Variants in ADAMTSL1 observed in about 807,000 individuals in gnomAD.
ADAMTSL1 encodes ADAMTS like 1, also known as ADAMTS-like protein 1.
ADAMTSL1 carries 126 observed loss-of-function variants against 201.8 expected under a neutral mutation model. The ratio of observed to expected loss-of-function variants is 0.62; its 90% CI spans 0.54 to 0.72. ADAMTSL1 has a LOEUF of 0.72. Ranked by LOEUF, ADAMTSL1 falls within the 30% of genes least tolerant of loss-of-function variation. The pLI, the probability that ADAMTSL1 is intolerant of heterozygous loss-of-function variation, is 0.00. For missense variants in ADAMTSL1, 2,679 were observed against 2,277.8 expected (o/e 1.18, Z -3.59); for synonymous variants, 1,121 against 903.4 (o/e 1.24, Z -4.32).
chr9:18,811,023 A>C (rs948767528), intron 20 of ADAMTSL1, among the ~76,000 whole-genome samples: 3 of 149,680 alleles, frequency 2.0e-5, no homozygotes, highest in African/African-American at 4.9e-5. Flanking sequence ...AAAAAAAAAA[A>C]AAAAAAAAAA....
chr9:18,836,671 C>T (rs905727943), intron 23 of ADAMTSL1, among the ~76,000 whole-genome samples: 4 of 152,100 alleles, frequency 2.6e-5, no homozygotes, highest in Non-Finnish European at 4.4e-5. Flanking sequence ...AGCATTAAAT[C>T]TGTAGATTGC....
At chr9:18,061,324 C>A (rs181017220) in intron 1 of ADAMTSL1, among the ~76,000 whole-genome samples, 1 of 152,250 alleles carries the variant, frequency 6.6e-6, no homozygotes, top group Non-Finnish European at 1.5e-5. Flanking sequence ...CATAGTTTTC[C>A]TGTGCTTCCT....
At chr9:18,071,011 A>G (rs1822939217) in intron 1 of ADAMTSL1, among the ~76,000 whole-genome samples, 1 of 152,220 alleles carries the variant, frequency 6.6e-6, no homozygotes, top group Admixed American at 6.5e-5. Flanking sequence ...GACTAGAAGG[A>G]AAGCAAAGCA....
intron 2 of ADAMTSL1, among the ~76,000 whole-genome samples, chr9:18,520,396 T>G (rs866037742): frequency 2.6e-5 from 4 of 152,318 alleles, no homozygotes; most frequent in Non-Finnish European, 2.9e-5. Context: ...GGCACTACAT[T>G]CAGAACATTT....
At chr9:18,559,324 T>TG (rs1040647564) in intron 3 of ADAMTSL1, among the ~76,000 whole-genome samples, 1 of 152,170 alleles carries the variant, frequency 6.6e-6, no homozygotes, top group African/African-American at 2.4e-5. Context: ...TGTAGATTTG[T>TG]GGTGGTATTT....
chr9:18,816,839 T>A (rs550344825), intron 20 of ADAMTSL1, among the ~76,000 whole-genome samples: 19 of 152,000 alleles, frequency 1.3e-4, no homozygotes, highest in African/African-American at 4.6e-4. Flanking sequence ...AGTGATGTTT[T>A]GATATAATTA....
intron 4 of ADAMTSL1, among the ~76,000 whole-genome samples, chr9:18,583,304 C>A (rs941433393): frequency 3.3e-5 from 5 of 152,162 alleles, no homozygotes; most frequent in Non-Finnish European, 7.3e-5. Context: ...GGGCTCGGGC[C>A]GTAGCTTCAG....
chr9:17,925,309 G>C (rs1358032022), intron 1 of ADAMTSL1, among the ~76,000 whole-genome samples: 2 of 121,450 alleles, frequency 1.6e-5, no homozygotes, highest in African/African-American at 5.6e-5. Flanking sequence ...ATTCCTCAGG[G>C]ATCTAGAACT....
chr9:18,584,267 T>C (rs1243735540), intron 4 of ADAMTSL1, among the ~76,000 whole-genome samples: 3 of 151,916 alleles, frequency 2.0e-5, no homozygotes, highest in South Asian at 2.1e-4. Flanking sequence ...AGTCTCACGA[T>C]ATCTGATGGT....
At chr9:18,626,277 A>C (rs1469712862) in intron 5 of ADAMTSL1, among the ~76,000 whole-genome samples, 1 of 152,236 alleles carries the variant, frequency 6.6e-6, no homozygotes, top group East Asian at 1.9e-4. Context: ...GCAGGAGAAC[A>C]GGAAATGGGT....
In ADAMTSL1 at chr9:18,184,101, G is replaced by T. The variant is rs191727399; in HGVS notation, c.207+20120G>T. The stretch of plus-strand genomic sequence containing the variant: ...CGAAATGTAACAAATGCTGACAGAA[G>T]TGACAAGCATTTCATTTTCTTTGAA... On this transcript the variant is annotated intron_variant, in intron 2 of 29. Coordinates refer to the ADAMTSL1 transcript ENST00000680146. 1.2e-4 allele frequency among the ~76,000 whole-genome samples: 19 copies of T among 152,292 alleles called. No individual in the cohort carries two copies. The East Asian group carries it at 3.7e-3, about 29-fold the overall frequency.
chr9:18,287,319 G>GTATACACACACACACGTGTGTGTATA (rs1277318841), intron 2 of ADAMTSL1, among the ~76,000 whole-genome samples: 1 of 151,230 alleles, frequency 6.6e-6, no homozygotes, highest in Non-Finnish European at 1.5e-5. Context: ...ACATATGTAT[G>GTATACACACACACACGTGTGTGTATA]TATACACACA....
intron 7 of ADAMTSL1, among the ~76,000 whole-genome samples, chr9:18,649,982 CTG>C (rs1828107506): frequency 6.6e-6 from 1 of 152,184 alleles, no homozygotes; most frequent in Non-Finnish European, 1.5e-5. Flanking sequence ...TGTCTGTGCC[CTG>C]CCATCAGAGG....
At chr9:18,272,187 C>T (rs1415887951) in intron 2 of ADAMTSL1, among the ~76,000 whole-genome samples, 1 of 152,126 alleles carries the variant, frequency 6.6e-6, no homozygotes, top group Non-Finnish European at 1.5e-5. Flanking sequence ...GGAGGCATCA[C>T]ACTACCTGAC....
intron 23 of ADAMTSL1, among the ~76,000 whole-genome samples, chr9:18,847,577 G>C (rs924649481): frequency 4.6e-5 from 7 of 152,330 alleles, no homozygotes; most frequent in Admixed American, 4.6e-4. Context: ...AAATACAACA[G>C]GCCAGAGAGG....
chr9:17,932,227 A>G (rs955997899), intron 1 of ADAMTSL1, among the ~76,000 whole-genome samples: 6 of 152,176 alleles, frequency 3.9e-5, no homozygotes, highest in African/African-American at 1.4e-4. Context: ...TTCTGTTTTT[A>G]GCTGCCACTG....
chr9:18,703,466 C>T (rs1452346256), intron 13 of ADAMTSL1, among the ~76,000 whole-genome samples: 1 of 151,864 alleles, frequency 6.6e-6, no homozygotes, highest in Non-Finnish European at 1.5e-5. Flanking sequence ...ACACTGTATG[C>T]ACTAGAGAAA....
At chr9:18,140,850 C>T (rs1826367914) in intron 1 of ADAMTSL1, among the ~76,000 whole-genome samples, 1 of 152,108 alleles carries the variant, frequency 6.6e-6, no homozygotes, top group Non-Finnish European at 1.5e-5. Context: ...AAATAAAGAT[C>T]CCAGAATAGT....
At chr9:18,169,746 C>T (rs1827806334) in intron 2 of ADAMTSL1, among the ~76,000 whole-genome samples, 2 of 152,174 alleles carry the variant, frequency 1.3e-5, no homozygotes, top group Non-Finnish European at 2.9e-5. Flanking sequence ...ATTGATTCTT[C>T]CTACCCATGA....
Sources: gnomAD v4.1 joint callset for allele counts (sites outside exome capture counted in the v4.1 genomes callset) on GRCh38, gnomAD v4.1.1 for gene constraint, MANE v1.5 for transcripts, NCBI Gene and HGNC (gene_info 2026-07-23, HGNC 2026-07-21) for gene names.